The following BBS9 variants were observed in gnomAD, a reference collection of about 807,000 sequenced individuals.
BBS9 encodes Bardet-Biedl syndrome 9, also known as protein PTHB1.
In BBS9, 89 loss-of-function variants were observed where a neutral mutation model predicts 117.7. The ratio of observed to expected loss-of-function variants is 0.76; its 90% CI spans 0.64 to 0.90. BBS9 has a LOEUF of 0.90. Among genes scored for constraint, BBS9 ranks in the 40% least tolerant of loss-of-function variants. The pLI is 0.00. For missense variants in BBS9, 982 were observed against 1,042.2 expected (o/e 0.94, Z 0.80); for synonymous variants, 379 against 370.9 (o/e 1.02, Z -0.25).
intron 21 of BBS9, among the ~76,000 whole-genome samples, chr7:33,583,710 T>C (rs985232892): frequency 2.0e-5 from 3 of 152,072 alleles, no homozygotes; most frequent in African/African-American, 7.2e-5. Context: ...ACAGAGGAAG[T>C]GACCTGGAGA....
intron 20 of BBS9, among the ~76,000 whole-genome samples, chr7:33,521,097 A>G (rs943210000): frequency 6.6e-6 from 1 of 152,202 alleles, no homozygotes; most frequent in South Asian, 2.1e-4. Context: ...ATCAGACATC[A>G]TTAGTATTTT....
intron 19 of BBS9, among the ~76,000 whole-genome samples, chr7:33,418,789 A>C (rs1832418383): frequency 6.6e-6 from 1 of 152,202 alleles, no homozygotes. Flanking sequence ...TATGCTAACA[A>C]AACTCCTTAA....
At position 33,304,272 on chromosome 7, in the gene BBS9, G is replaced by A. The variant is rs556351046; in HGVS notation, c.1016+30316G>A. Among the ~76,000 whole-genome samples the A allele has an allele frequency of 1.2e-3, 153 of 127,978 alleles. No individual in the cohort carries two copies. In the Middle Eastern group the frequency reaches 0.018, roughly 15 times the overall value. 84.0% of individuals were successfully genotyped at this position (127,978 alleles called of 152,430 possible). A position where few individuals can be genotyped will look rare whatever the true frequency, so the allele number is the denominator to read the frequency against. On this transcript the variant is annotated intron_variant, in intron 9 of 22. Coordinates refer to ENST00000242067, the MANE Select transcript of BBS9 (RefSeq NM_198428.3). ...ATGTGAGGAGCGCCTATGCCCGGCC[G>A]CCCCTTCTGGGAAGTGAGGAGCGCC...
intron 1 of BBS9, among the ~76,000 whole-genome samples, chr7:33,135,626 T>C (rs1790334389): frequency 6.6e-6 from 1 of 152,232 alleles, no homozygotes; most frequent in Non-Finnish European, 1.5e-5. Flanking sequence ...TCTACCTTTG[T>C]TCTTTTTTAA....
chr7:33,611,812 A>G (rs1864891250), intron 21 of BBS9, among the ~76,000 whole-genome samples: 1 of 140,278 alleles, frequency 7.1e-6, no homozygotes, highest in Non-Finnish European at 1.5e-5. Flanking sequence ...TATACCTTAA[A>G]CCTTATATAT....
At position 33,441,482 on chromosome 7, in the gene BBS9, ACCT is replaced by A. The variant is rs1836174144; in HGVS notation, c.2115+53339_2115+53341del. ...TTCATAAAATGAAAATCACAATAAT[ACCT>A]TGTGGAAACTTAATTCATCATTTAA... On this transcript the variant is annotated intron_variant, in intron 19 of 22. Transcript: ENST00000242067. Among the ~76,000 whole-genome samples, 5 of 152,310 alleles carry A rather than the reference ACCT, an allele frequency of 3.3e-5. No homozygotes were observed. The South Asian group carries it at 6.2e-4, about 19-fold the overall frequency.
At chr7:33,234,441 G>T (rs976516510) in intron 5 of BBS9, among the ~76,000 whole-genome samples, 1 of 151,728 alleles carries the variant, frequency 6.6e-6, no homozygotes, top group Non-Finnish European at 1.5e-5. Context: ...AGCAATTAAC[G>T]TTCCATTACC....
chr7:33,574,763 A>T (rs1585319114), intron 21 of BBS9, among the ~76,000 whole-genome samples: 1 of 151,552 alleles, frequency 6.6e-6, no homozygotes, highest in Non-Finnish European at 1.5e-5. Flanking sequence ...TATTTATTTT[A>T]TATAGGTTAT....
intron 21 of BBS9, among the ~76,000 whole-genome samples, chr7:33,592,019 C>T (rs1862004108): frequency 6.6e-6 from 1 of 152,022 alleles, no homozygotes; most frequent in Admixed American, 6.6e-5. Context: ...CTTTTAATGC[C>T]TTGGTGACAA....
At chr7:33,373,903 A>T (rs1355949883) in intron 17 of BBS9, among the ~76,000 whole-genome samples, 1 of 152,230 alleles carries the variant, frequency 6.6e-6, no homozygotes, top group Admixed American at 6.5e-5. Context: ...AAAAGAAATC[A>T]TATGTCATCT....
intron 5 of BBS9, among the ~76,000 whole-genome samples, chr7:33,217,724 A>G (rs1789352983): frequency 6.6e-6 from 1 of 152,256 alleles, no homozygotes; most frequent in Non-Finnish European, 1.5e-5. Context: ...CTCTTGAGGC[A>G]TGGACTGGAA....
intron 20 of BBS9, among the ~76,000 whole-genome samples, chr7:33,526,732 CCTT>C (rs1457435398): frequency 2.0e-5 from 3 of 150,502 alleles, no homozygotes; most frequent in Admixed American, 6.6e-5. Context: ...TCGTCTGAAG[CCTT>C]CTTCTCTCAG....
intron 9 of BBS9, among the ~76,000 whole-genome samples, chr7:33,282,814 G>GA (rs540142380): frequency 2.2e-3 from 342 of 152,116 alleles, no homozygotes; most frequent in Non-Finnish European, 3.5e-3. Context: ...AACAAGAATA[G>GA]AAAAAAATGC....
intron 5 of BBS9, among the ~76,000 whole-genome samples, chr7:33,196,293 T>A (rs917270211): frequency 2.0e-5 from 3 of 152,146 alleles, no homozygotes; most frequent in Non-Finnish European, 4.4e-5. Context: ...AAATAACTTC[T>A]AATTGTCTGA....
intron 1 of BBS9, among the ~76,000 whole-genome samples, chr7:33,133,529 A>G (rs1454831225): frequency 6.6e-6 from 1 of 152,186 alleles, no homozygotes; most frequent in Non-Finnish European, 1.5e-5. Flanking sequence ...GCCTTTTGTT[A>G]CTGGCTTCTT....
intron 21 of BBS9, among the ~76,000 whole-genome samples, chr7:33,564,973 G>T (rs1457769930): frequency 6.6e-6 from 1 of 152,132 alleles, no homozygotes; most frequent in African/African-American, 2.4e-5. Flanking sequence ...AGTGCATGAG[G>T]CTACACAGGG....
At chr7:33,554,397 G>T (rs1035996861) in intron 21 of BBS9, among the ~76,000 whole-genome samples, 6 of 152,136 alleles carry the variant, frequency 3.9e-5, no homozygotes, top group Admixed American at 2.6e-4. Context: ...GTTGACTGGG[G>T]TTATGGCAAT....
At chr7:33,592,527 T>C (rs1862100914) in intron 21 of BBS9, among the ~76,000 whole-genome samples, 1 of 152,072 alleles carries the variant, frequency 6.6e-6, no homozygotes, top group Non-Finnish European at 1.5e-5. Context: ...CGCTAGATAG[T>C]AGAGTTGCCT....
At chr7:33,221,691 A>G (rs1470427926) in intron 5 of BBS9, among the ~76,000 whole-genome samples, 2 of 152,154 alleles carry the variant, frequency 1.3e-5, no homozygotes, top group Non-Finnish European at 2.9e-5. Context: ...CCTATACTAG[A>G]GTGAATTTTT....
Sources: allele counts gnomAD v4.1 joint callset (sites outside exome capture counted in the v4.1 genomes callset), GRCh38; gene constraint gnomAD v4.1.1; transcripts MANE v1.5; gene names NCBI Gene and HGNC (gene_info 2026-07-23, HGNC 2026-07-21).